IFNA10: variants seen among roughly 807,000 people sequenced by gnomAD.
IFNA10 encodes interferon alpha-10.
For synonymous variants in IFNA10, 96 were observed against 83.7 expected (o/e 1.15, Z -0.80); for missense variants, 246 against 213.0 (o/e 1.15, Z -0.96).
Position 21,207,088 on chromosome 9 carries a change from A to G in IFNA10, c.10T>C (p.Ser4Pro). 6.2e-7 allele frequency: 1 copy of G among 1,605,410 alleles called. No homozygotes were observed. Among genetic ancestry groups the G allele is most frequent in the Non-Finnish European group, 8.5e-7 (1 of 1,176,370 alleles). Residue 4 changes from serine (S) to proline (P), a missense_variant, in exon 1 of 1, where the codon TCC (serine) becomes CCC (proline). By Grantham distance (74) the Ser-to-Pro change is moderately conservative. Transcript: ENST00000357374. ...AGCACGGCCATAAGTAAAGAAAAGG[A>G]CAGGGCCATTGGGATGTTGCAAATA... MAL[S>P]FSLLMAVLVL...
In IFNA10 at chr9:21,206,925, T is replaced by C; in HGVS notation, c.173A>G (p.Asp58Gly). ...SPFSCLKDRH[D>G]FRIPQEEFDG... Reference sequence around the variant, plus strand: ...AAACTCCTCCTGGGGGATTCGGAAATCATGTCTGTCCTTCAGGCAGGAGAA... The same window carrying C: ...AAACTCCTCCTGGGGGATTCGGAAACCATGTCTGTCCTTCAGGCAGGAGAA... The change falls in exon 1 of 1, where the codon GAT (aspartate) becomes GGT (glycine). Residue 58 changes from aspartate to glycine, a missense_variant. Asp to Gly is a moderately conservative substitution (Grantham distance 94). Transcript: ENST00000357374. 1 of 1,613,792 alleles carries C rather than the reference T, an allele frequency of 6.2e-7. No homozygotes were observed. Among genetic ancestry groups the C allele is most frequent in the Non-Finnish European group, 8.5e-7 (1 of 1,179,966 alleles).
rs112963053 is a variant in IFNA10, at chr9:21,206,744, G to T, written c.354C>A (p.Asp118Glu). Residue 118 changes from aspartate to glutamate, a missense_variant, in exon 1 of 1, where the codon GAC becomes GAA. By Grantham distance (45) the Asp-to-Glu change is conservative. Transcript: ENST00000357374. ...CCTCCTGTATCACACATGCTTCCAG[G>T]TCATTCAGTTGCTGGTAAAGTTCAG... Reference protein sequence around the residue: ...FSTELYQQLNDLEACVIQEVG... With the variant: ...FSTELYQQLNELEACVIQEVG... 0.04 allele frequency: 64,204 copies of T among 1,612,822 alleles called. 1,563 individuals are homozygous for T. Among genetic ancestry groups the T allele is most frequent in the Middle Eastern group, 0.065 (392 of 6,058 alleles).
At position 21,206,310 on chromosome 9, in the gene IFNA10, A is replaced by G. The variant is rs1818267839; in HGVS notation, c.*218T>C. The G allele has an allele frequency of 2.0e-6, 1 of 489,164 alleles. No homozygotes were observed. The highest frequency in any genetic ancestry group is 3.3e-6 in the Non-Finnish European group (1 of 299,354). 30.3% of individuals were successfully genotyped at this position (489,164 alleles called of 1,614,324 possible). A position where few individuals can be genotyped will look rare whatever the true frequency, so the allele number is the denominator to read the frequency against. ...AAATTTTAAAAATAATTAAATAAAT[A>G]TTTAAACAAAAGATGAACAGAGACA... On this transcript the variant is annotated 3_prime_UTR_variant, in exon 1 of 1. Coordinates refer to ENST00000357374, the MANE Select transcript of IFNA10 (RefSeq NM_002171.2).
Position 21,206,729 on chromosome 9 carries a change from C to G in IFNA10, c.369G>C (p.Val123=), listed in dbSNP as rs1252016524. The change falls in exon 1 of 1, where the codon GTG becomes GTC. Residue 123 remains valine (V), a synonymous_variant. Coordinates refer to ENST00000357374, the MANE Select transcript of IFNA10 (RefSeq NM_002171.2). ...TCTCTTCCACCCCAACCTCCTGTAT[C>G]ACACATGCTTCCAGGTCATTCAGTT... ...YQQLNDLEAC[V]IQEVGVEETP... is the part of the protein sequence containing the mutation. The G allele has an allele frequency of 1.9e-5, 31 of 1,613,434 alleles. No individual in the cohort carries two copies. Among genetic ancestry groups the G allele is most frequent in the Non-Finnish European group, 2.5e-5 (29 of 1,179,846 alleles).
rs1166227227 is a variant in IFNA10 at position 21,206,417 on chromosome 9, T to A, written c.*111A>T. 1 of 1,546,086 alleles carries A rather than the reference T, an allele frequency of 6.5e-7. No homozygotes were observed. The highest frequency in any genetic ancestry group is 2.1e-5 in the Admixed American group (1 of 48,530). ...TACACTGCTGAAAACATTTGAAAATTTTGATTCAACGCGTCGTGGTTATAG... is the reference window on the plus strand; with the variant it reads ...TACACTGCTGAAAACATTTGAAAATATTGATTCAACGCGTCGTGGTTATAG... On this transcript the variant is annotated 3_prime_UTR_variant, in exon 1 of 1. Transcript: ENST00000357374.
chr9:21,206,298 A>C lies in IFNA10; in HGVS notation c.*230T>G. ...ATGATATTACATAAATTTTAAAAATAATTAAATAAATATTTAAACAAAAGA... is the reference window on the plus strand; with the variant it reads ...ATGATATTACATAAATTTTAAAAATCATTAAATAAATATTTAAACAAAAGA... On this transcript the variant is annotated 3_prime_UTR_variant, in exon 1 of 1. Coordinates refer to ENST00000357374, the MANE Select transcript of IFNA10 (RefSeq NM_002171.2). The C allele has an allele frequency of 2.3e-6, 1 of 430,220 alleles. No individual in the cohort carries two copies. Among genetic ancestry groups the C allele is most frequent in the Non-Finnish European group, 3.9e-6 (1 of 258,594 alleles). 26.7% of individuals were successfully genotyped at this position (430,220 alleles called of 1,614,324 possible). A position where few individuals can be genotyped will look rare whatever the true frequency, so the allele number is the denominator to read the frequency against.
Position 21,206,847 on chromosome 9 carries a change from A to T in IFNA10, c.251T>A (p.Ile84Asn). 6.2e-7 allele frequency: 1 copy of T among 1,613,598 alleles called. No individual in the cohort carries two copies. Among genetic ancestry groups the T allele is most frequent in the Non-Finnish European group, 8.5e-7 (1 of 1,179,854 alleles). Residue 84 changes from isoleucine (I) to asparagine (N), a missense_variant, in exon 1 of 1, where the codon ATC becomes AAC. Ile to Asn is a moderately radical substitution (Grantham distance 149). Transcript: ENST00000357374. ...AQAISVLHEM[I>N]QQTFNLFSTE... Reference sequence around the variant, plus strand: ...GCTGAAGAGATTGAAGGTCTGCTGGATCATCTCATGGAGGACAGAGATGGC... The same window carrying T: ...GCTGAAGAGATTGAAGGTCTGCTGGTTCATCTCATGGAGGACAGAGATGGC...
chr9:21,206,426 A>G lies in IFNA10; in HGVS notation c.*102T>C, dbSNP rs532461414. ...GAAAACATTTGAAAATTTTGATTCA[A>G]CGCGTCGTGGTTATAGAAGTGAGTC... On this transcript the variant is annotated 3_prime_UTR_variant, in exon 1 of 1. Transcript: ENST00000357374. 11 of 1,563,060 alleles carry G rather than the reference A, an allele frequency of 7.0e-6. No homozygotes were observed. In the African/African-American group the frequency reaches 9.7e-5, roughly 14 times the overall value.
rs113557771 is a variant in IFNA10 at position 21,206,429 on chromosome 9, C to T, written c.*99G>A. ...AACATTTGAAAATTTTGATTCAACG[C>T]GTCGTGGTTATAGAAGTGAGTCTTT... On this transcript the variant is annotated 3_prime_UTR_variant, in exon 1 of 1. Coordinates refer to ENST00000357374, the MANE Select transcript of IFNA10 (RefSeq NM_002171.2). 2.3e-5 allele frequency: 36 copies of T among 1,567,804 alleles called. No individual in the cohort carries two copies. The highest frequency in any genetic ancestry group is 1.6e-4 in the South Asian group (13 of 83,790).
chr9:21,206,644 G>C lies in IFNA10; in HGVS notation c.454C>G (p.Leu152Val). The C allele has an allele frequency of 6.2e-7, 1 of 1,613,922 alleles. No homozygotes were observed. The highest frequency in any genetic ancestry group is 8.5e-7 in the Non-Finnish European group (1 of 1,180,010). The change falls in exon 1 of 1, where the codon CTT (leucine) becomes GTT (valine). Residue 152 changes from leucine (L) to valine (V), a missense_variant. Coordinates refer to ENST00000357374, the MANE Select transcript of IFNA10 (RefSeq NM_002171.2). ...AVRKYFQRIT[L>V]YLIERKYSPC... ...CTGTATTTCCTCTCTATTAGATAAA[G>C]AGTGATTCTTTGGAAGTATTTCCTC...
Position 21,206,893 on chromosome 9 carries a change from T to A in IFNA10, c.205A>T (p.Asn69Tyr). The change falls in exon 1 of 1, where the codon AAC (asparagine) becomes TAC (tyrosine). Residue 69 changes from asparagine to tyrosine, a missense_variant. Asn to Tyr is a moderately radical substitution (Grantham distance 143). Coordinates refer to ENST00000357374, the MANE Select transcript of IFNA10 (RefSeq NM_002171.2). ...FRIPQEEFDGNQFQKAQAISV... is the reference protein window; with the variant it reads ...FRIPQEEFDGYQFQKAQAISV... ...ATGGCTTGAGCCTTCTGGAACTGGTTGCCATCAAACTCCTCCTGGGGGATT... is the reference window on the plus strand; with the variant it reads ...ATGGCTTGAGCCTTCTGGAACTGGTAGCCATCAAACTCCTCCTGGGGGATT... 1 of 1,613,810 alleles carries A rather than the reference T, an allele frequency of 6.2e-7. No individual in the cohort carries two copies. Among genetic ancestry groups the A allele is most frequent in the Non-Finnish European group, 8.5e-7 (1 of 1,179,942 alleles).
At position 21,206,618 on chromosome 9, in the gene IFNA10, G is replaced by A. The variant is rs760907946; in HGVS notation, c.480C>T (p.Ser160=). The A allele has an allele frequency of 6.2e-7, 1 of 1,613,924 alleles. No homozygotes were observed. The highest frequency in any genetic ancestry group is 8.5e-7 in the Non-Finnish European group (1 of 1,180,008). The change falls in exon 1 of 1, where the codon AGC becomes AGT. Residue 160 remains serine, a synonymous_variant. Transcript: ENST00000357374. ...ITLYLIERKY[S]PCAWEVVRAE... The stretch of plus-strand genomic sequence containing the variant: ...CTCTGACAACCTCCCAGGCACAAGG[G>A]CTGTATTTCCTCTCTATTAGATAAA...
In IFNA10 at chr9:21,206,903, C is replaced by A; in HGVS notation, c.195G>T (p.Glu65Asp). 5.0e-6 allele frequency: 8 copies of A among 1,613,864 alleles called. No homozygotes were observed. Among genetic ancestry groups the A allele is most frequent in the Non-Finnish European group, 6.8e-6 (8 of 1,179,970 alleles). Reference sequence around the variant, plus strand: ...CCTTCTGGAACTGGTTGCCATCAAACTCCTCCTGGGGGATTCGGAAATCAT... The same window carrying A: ...CCTTCTGGAACTGGTTGCCATCAAAATCCTCCTGGGGGATTCGGAAATCAT... The part of the protein sequence containing the change: ...DRHDFRIPQE[E>D]FDGNQFQKAQ... The change falls in exon 1 of 1, where the codon GAG becomes GAT. Residue 65 changes from glutamate (E) to aspartate (D), a missense_variant. Transcript: ENST00000357374.
rs10113875 is a variant in IFNA10, at chr9:21,207,001, C to A, written c.97G>T (p.Gly33Cys). The change falls in exon 1 of 1, where the codon GGT (glycine) becomes TGT (cysteine). Residue 33 changes from glycine to cysteine, a missense_variant. Physicochemically the swap from Gly to Cys is radical, Grantham distance 159. Coordinates refer to ENST00000357374, the MANE Select transcript of IFNA10 (RefSeq NM_002171.2). ...AGGAGTATCAAGGCCCTCCTATTAC[C>A]CAGGCTGTGGGTCTGAGGCAGATCA... ...GCDLPQTHSL[G>C]NRRALILLGQ... The A allele has an allele frequency of 4.5e-5, 73 of 1,611,900 alleles. No homozygotes were observed. In the African/African-American group the frequency reaches 6.7e-4, roughly 15 times the overall value.
Position 21,206,667 on chromosome 9 carries a change from C to T in IFNA10, c.431G>A (p.Arg144Lys), listed in dbSNP as rs563292499. ...AAGAGTGATTCTTTGGAAGTATTTC[C>T]TCACAGCCAGGATGGAGTCCTCATT... ...LMNEDSILAV[R>K]KYFQRITLYL... Residue 144 changes from arginine to lysine, a missense_variant, in exon 1 of 1, where the codon AGG becomes AAG. By Grantham distance (26) the Arg-to-Lys change is conservative. Transcript: ENST00000357374. 46 of 1,613,872 alleles carry T rather than the reference C, an allele frequency of 2.9e-5. No individual in the cohort carries two copies. The South Asian group carries it at 4.0e-4, about 14-fold the overall frequency.
chr9:21,206,268 G>A lies in IFNA10; in HGVS notation c.*260C>T, dbSNP rs1393425404. The A allele has an allele frequency of 2.7e-5, 8 of 300,396 alleles. No homozygotes were observed. Among genetic ancestry groups the A allele is most frequent in the African/African-American group, 6.6e-5 (3 of 45,616 alleles). The allele number at this position is 300,396 out of a possible 1,614,324, so 18.6% of individuals were successfully genotyped here. A position where few individuals can be genotyped will look rare whatever the true frequency, so the allele number is the denominator to read the frequency against. ...TGTTACATTAACCACAATGTAAAGCGACTCATGATATTACATAAATTTTAA... is the reference window on the plus strand; with the variant it reads ...TGTTACATTAACCACAATGTAAAGCAACTCATGATATTACATAAATTTTAA... On this transcript the variant is annotated 3_prime_UTR_variant, in exon 1 of 1. Transcript: ENST00000357374.
At position 21,206,401 on chromosome 9, in the gene IFNA10, G is replaced by T; in HGVS notation, c.*127C>A. ...ATACACGACACTTCTTTACACTGCT[G>T]AAAACATTTGAAAATTTTGATTCAA... is the stretch of plus-strand genomic sequence containing the variant. On this transcript the variant is annotated 3_prime_UTR_variant, in exon 1 of 1. Transcript: ENST00000357374. 2.3e-5 allele frequency: 34 copies of T among 1,497,258 alleles called. No homozygotes were observed. The highest frequency in any genetic ancestry group is 3.1e-5 in the Non-Finnish European group (34 of 1,108,700). The allele number at this position is 1,497,258 out of a possible 1,614,324, so 92.7% of individuals were successfully genotyped here.
chr9:21,206,894 G>T lies in IFNA10; in HGVS notation c.204C>A (p.Gly68=). 1 of 1,613,822 alleles carries T rather than the reference G, an allele frequency of 6.2e-7. No individual in the cohort carries two copies. The highest frequency in any genetic ancestry group is 8.5e-7 in the Non-Finnish European group (1 of 1,179,950). ...TGGCTTGAGCCTTCTGGAACTGGTT[G>T]CCATCAAACTCCTCCTGGGGGATTC... ...DFRIPQEEFD[G]NQFQKAQAIS... The change falls in exon 1 of 1, where the codon GGC becomes GGA. Residue 68 remains glycine, a synonymous_variant. Coordinates refer to ENST00000357374, the MANE Select transcript of IFNA10 (RefSeq NM_002171.2).
chr9:21,206,439 A>T lies in IFNA10; in HGVS notation c.*89T>A. The T allele has an allele frequency of 1.9e-6, 3 of 1,576,274 alleles. No homozygotes were observed. Among genetic ancestry groups the T allele is most frequent in the Non-Finnish European group, 1.7e-6 (2 of 1,165,846 alleles). On this transcript the variant is annotated 3_prime_UTR_variant, in exon 1 of 1. Transcript: ENST00000357374. ...AATTTTGATTCAACGCGTCGTGGTT[A>T]TAGAAGTGAGTCTTTGAAATGGAAG... is the stretch of plus-strand genomic sequence containing the variant.
Sources: gnomAD v4.1 joint callset for allele counts on GRCh38, gnomAD v4.1.1 for gene constraint, MANE v1.5 for transcripts, NCBI Gene and HGNC (gene_info 2026-07-23, HGNC 2026-07-21) for gene names.